The following SPATA6 variants were observed in gnomAD, a reference collection of about 807,000 sequenced individuals.
SPATA6 encodes the protein spermatogenesis associated 6, also known as spermatogenesis-associated protein 6.
A neutral mutation model predicts 65.3 loss-of-function variants in SPATA6; 56 were observed. The observed-to-expected ratio is 0.86, with a 90% CI of 0.69 to 1.07. SPATA6 has a LOEUF of 1.07. SPATA6 is among the 50% of genes least tolerant of loss of function. The probability of loss-of-function intolerance (pLI) is 0.00; values close to 1 mark genes in which losing one functional copy is unlikely to be tolerated. For missense variants in SPATA6, 590 were observed against 594.8 expected (o/e 0.99, Z 0.08); for synonymous variants, 199 against 213.2 (o/e 0.93, Z 0.58).
At chr1:48,379,671 T>C (rs1308708429) in intron 9 of SPATA6, among the ~76,000 whole-genome samples, 1 of 152,180 alleles carries the variant, frequency 6.6e-6, no homozygotes, top group Non-Finnish European at 1.5e-5. Flanking sequence ...ATGGTAGTAT[T>C]TCCAAACTTC....
chr1:48,329,624 T>A (rs561540651), intron 11 of SPATA6, among the ~76,000 whole-genome samples: 1 of 152,310 alleles, frequency 6.6e-6, no homozygotes, highest in African/African-American at 2.4e-5. Context: ...GCAGCTTGTG[T>A]GTGTCACTGT....
intron 3 of SPATA6, among the ~76,000 whole-genome samples, chr1:48,450,244 C>T (rs1254558943): frequency 6.7e-6 from 1 of 149,400 alleles, no homozygotes; most frequent in Non-Finnish European, 1.5e-5. Flanking sequence ...GAGAAGAAAG[C>T]CAGTGAAATA....
chr1:48,462,780 T>G (rs1217397626), intron 1 of SPATA6, among the ~76,000 whole-genome samples: 38 of 152,356 alleles, frequency 2.5e-4, no homozygotes. Flanking sequence ...GTTAATTTTA[T>G]GTATCTACTT....
chr1:48,438,989 C>A (rs890874733), intron 3 of SPATA6, among the ~76,000 whole-genome samples: 2 of 152,136 alleles, frequency 1.3e-5, no homozygotes, highest in African/African-American at 4.8e-5. Flanking sequence ...TGATATCCTT[C>A]CTATTCATAT....
intron 3 of SPATA6, among the ~76,000 whole-genome samples, chr1:48,435,386 T>G (rs1019527587): frequency 6.6e-6 from 1 of 151,762 alleles, no homozygotes; most frequent in African/African-American, 2.4e-5. Flanking sequence ...ATCAGCACTC[T>G]GTCTAGCTAA....
rs967816932 is a variant in SPATA6, at chr1:48,411,980, C to G, written c.281-392G>C. 2.6e-5 allele frequency among the ~76,000 whole-genome samples: 4 copies of G among 152,050 alleles called. No individual in the cohort carries two copies. The East Asian group carries it at 7.7e-4, about 29-fold the overall frequency. On this transcript the variant is annotated intron_variant, in intron 4 of 12. Transcript: ENST00000371847. ...ACCCTGGGTTCAAGTGATTCTCCTC[C>G]TGCAGCCTCCTGAGTAGCTGGGACT...
At chr1:48,403,957 C>A in intron 5 of SPATA6, 75 bp from the exon 6 acceptor site, 3 of 1,074,720 alleles carry the variant, frequency 2.8e-6, no homozygotes, top group South Asian at 3.2e-5. Flanking sequence ...AGAATATGAC[C>A]TAAAGTAACA....
At chr1:48,445,454 A>C (rs1423845442) in intron 3 of SPATA6, among the ~76,000 whole-genome samples, 9 of 152,082 alleles carry the variant, frequency 5.9e-5, no homozygotes, top group Non-Finnish European at 2.9e-5. Context: ...ACGAGGTCAG[A>C]TCGAGACCAT....
At position 48,445,650 on chromosome 1, in the gene SPATA6, ACT is replaced by A. The variant is rs1476180099; in HGVS notation, c.238+5900_238+5901del. Among the ~76,000 whole-genome samples the A allele has an allele frequency of 4.6e-5, 5 of 108,934 alleles. No individual in the cohort carries two copies. In the Admixed American group the frequency reaches 5.5e-4, roughly 12 times the overall value. The allele number at this position is 108,934 out of a possible 152,430, so 71.5% of individuals were successfully genotyped here. A position where few individuals can be genotyped will look rare whatever the true frequency, so the allele number is the denominator to read the frequency against. On this transcript the variant is annotated intron_variant, in intron 3 of 12. Coordinates refer to ENST00000371847, the MANE Select transcript of SPATA6 (RefSeq NM_019073.4). ...ACTCCAGACTGGGAGAGAGAGTGAG[ACT>A]CTGTCTCAAAAAAAAAAAAAAAAAA...
At chr1:48,389,300 C>T (rs1007813242) in intron 8 of SPATA6, among the ~76,000 whole-genome samples, 4 of 152,026 alleles carry the variant, frequency 2.6e-5, no homozygotes, top group African/African-American at 4.8e-5. Flanking sequence ...CACAATAAAG[C>T]GACCAAATAT....
chr1:48,436,963 C>T lies in SPATA6; in HGVS notation c.238+14589G>A, dbSNP rs1183728257. The T allele has an allele frequency of 4.3e-5, 70 of 1,612,428 alleles. No individual in the cohort carries two copies. The East Asian group carries it at 1.5e-3, about 35-fold the overall frequency. Reference sequence around the variant, plus strand: ...AGTAAATAGTGACCGATTACACACACCATCCTCAAAAACTTTCTCTCCTGC... The same window carrying T: ...AGTAAATAGTGACCGATTACACACATCATCCTCAAAAACTTTCTCTCCTGC... On this transcript the variant is annotated intron_variant, in intron 3 of 12. Coordinates refer to ENST00000371847, the MANE Select transcript of SPATA6 (RefSeq NM_019073.4).
intron 6 of SPATA6, among the ~76,000 whole-genome samples, chr1:48,401,328 T>A (rs1468526265): frequency 6.6e-6 from 1 of 152,084 alleles, no homozygotes; most frequent in East Asian, 1.9e-4. Flanking sequence ...ATTAACCTCA[T>A]CTTTATTAAA....
intron 9 of SPATA6, among the ~76,000 whole-genome samples, chr1:48,371,251 T>C (rs1557629713): frequency 6.7e-6 from 1 of 148,722 alleles, no homozygotes; most frequent in Non-Finnish European, 1.5e-5. Flanking sequence ...TCAATATCCA[T>C]TCATTGAATA....
At position 48,369,120 on chromosome 1, in the gene SPATA6, C is replaced by T. The variant is rs529234767; in HGVS notation, c.910-9350G>A. Among the ~76,000 whole-genome samples the T allele has an allele frequency of 2.0e-5, 3 of 152,244 alleles. No homozygotes were observed. The East Asian group carries it at 5.8e-4, about 30-fold the overall frequency. Reference sequence around the variant, plus strand: ...TGCAGAACAGCGGATTTTCGTGAACCGCGAATGCTGCTGCCTGATCGGTCC... The same window carrying T: ...TGCAGAACAGCGGATTTTCGTGAACTGCGAATGCTGCTGCCTGATCGGTCC... On this transcript the variant is annotated intron_variant, in intron 9 of 12. Transcript: ENST00000371847.
chr1:48,314,417 T>A (rs1645335272), intron 11 of SPATA6, among the ~76,000 whole-genome samples: 1 of 152,198 alleles, frequency 6.6e-6, no homozygotes, highest in Admixed American at 6.5e-5. Flanking sequence ...ACATGGAAAC[T>A]GAACAACCTG....
intron 11 of SPATA6, chr1:48,325,332 C>A: frequency 7.7e-7 from 1 of 1,296,394 alleles, no homozygotes; most frequent in Non-Finnish European, 1.1e-6. Flanking sequence ...GCACAGGCCC[C>A]CGTAGAGTCC....
At chr1:48,273,395 AGGTT>A in the SPATA6 span, among the ~76,000 whole-genome samples, 1 of 152,050 alleles carries the variant, frequency 6.6e-6, no homozygotes. Context: ...TAGAATGTGC[AGGTT>A]TGTTACATAG....
intron 11 of SPATA6, among the ~76,000 whole-genome samples, chr1:48,327,759 A>C (rs1201033798): frequency 6.6e-6 from 1 of 152,190 alleles, no homozygotes; most frequent in African/African-American, 2.4e-5. Flanking sequence ...GTGGAAGATA[A>C]ACAATAGGTG....
rs1030861821 is a variant in SPATA6, at chr1:48,298,580, C to T, written c.*133G>A. 2.0e-5 allele frequency: 16 copies of T among 781,810 alleles called. No individual in the cohort carries two copies. In the African/African-American group the frequency reaches 2.5e-4, roughly 12 times the overall value. The allele number at this position is 781,810 out of a possible 1,614,324, so 48.4% of individuals were successfully genotyped here. A position where few individuals can be genotyped will look rare whatever the true frequency, so the allele number is the denominator to read the frequency against. On this transcript the variant is annotated 3_prime_UTR_variant, in exon 13 of 13. Transcript: ENST00000371847. ...ATAATTTACCATTTGAAGTAATGAA[C>T]TTATTCAAGTATAACTATTGTACTT...
Sources: allele counts gnomAD v4.1 joint callset (sites outside exome capture counted in the v4.1 genomes callset), GRCh38; gene constraint gnomAD v4.1.1; transcripts MANE v1.5; gene names NCBI Gene and HGNC (gene_info 2026-07-23, HGNC 2026-07-21).